SSH2: variants seen among roughly 807,000 people sequenced by gnomAD.
SSH2 encodes slingshot protein phosphatase 2, also known as protein phosphatase Slingshot homolog 2.
Under a neutral mutation model 135.2 loss-of-function variants are expected in SSH2, and 37 were observed. The observed-to-expected ratio is 0.27, with a 90% CI of 0.21 to 0.36. The LOEUF (loss-of-function observed/expected upper bound fraction) is 0.36, where lower values mean the gene tolerates loss of function less well. Ranked by LOEUF, SSH2 falls within the 10% of genes least tolerant of loss-of-function variation. The pLI is 1.00. For synonymous variants in SSH2, 628 were observed against 646.2 expected (o/e 0.97, Z 0.43); for missense variants, 1,408 against 1,765.3 (o/e 0.80, Z 3.63).
chr17:29,832,791 C>A (rs147918840), intron 2 of SSH2, among the ~76,000 whole-genome samples: 1 of 152,152 alleles, frequency 6.6e-6, no homozygotes, highest in Non-Finnish European at 1.5e-5. Flanking sequence ...CTCAGCCTCC[C>A]GAGCAGCTGG....
intron 2 of SSH2, among the ~76,000 whole-genome samples, chr17:29,836,877 C>T (rs1422011637): frequency 6.6e-6 from 1 of 152,170 alleles, no homozygotes; most frequent in Non-Finnish European, 1.5e-5. Flanking sequence ...CCGGGGTCAT[C>T]CATTGCTCTC....
Position 29,631,169 on chromosome 17 carries a change from T to TG in SSH2, c.4024dup (p.His1342ProfsTer39). ...AAAAGACTTGGTGGGCTCTGGGTTGTGGGGGGCACCTGGGTTTTCTAGGGA... is the reference window on the plus strand; with the variant it reads ...AAAAGACTTGGTGGGCTCTGGGTTGTGGGGGGGCACCTGGGTTTTCTAGGGA... On this transcript the variant is annotated frameshift_variant, in exon 16 of 16. Transcript: ENST00000540801. LOFTEE classifies it high-confidence loss of function. The TG allele has an allele frequency of 6.2e-7, 1 of 1,614,152 alleles. No homozygotes were observed. The highest frequency in any genetic ancestry group is 8.5e-7 in the Non-Finnish European group (1 of 1,180,026).
intron 3 of SSH2, among the ~76,000 whole-genome samples, chr17:29,706,860 T>A (rs941004712): frequency 6.6e-6 from 1 of 152,142 alleles, no homozygotes; most frequent in African/African-American, 2.4e-5. Flanking sequence ...AACACTATTT[T>A]AAGAACTTCC....
intron 5 of SSH2, among the ~76,000 whole-genome samples, chr17:29,686,882 G>C (rs2038246155): frequency 6.6e-6 from 1 of 150,972 alleles, no homozygotes; most frequent in Non-Finnish European, 1.5e-5. Context: ...TGGCCAGATG[G>C]CCAGGCTGGT....
chr17:29,775,254 C>T (rs1175676226), intron 3 of SSH2, among the ~76,000 whole-genome samples: 2 of 149,524 alleles, frequency 1.3e-5, no homozygotes, highest in Non-Finnish European at 3.0e-5. Flanking sequence ...AGAAGGGAGA[C>T]AAACTGGAGT....
chr17:29,765,888 T>G (rs2041431594), intron 3 of SSH2, among the ~76,000 whole-genome samples: 1 of 151,840 alleles, frequency 6.6e-6, no homozygotes, highest in Middle Eastern at 3.2e-3. Context: ...GGCGTGCTGG[T>G]GGGCGCCTGT....
chr17:29,660,770 T>G (rs2036998852), intron 11 of SSH2, among the ~76,000 whole-genome samples: 1 of 151,878 alleles, frequency 6.6e-6, no homozygotes. Flanking sequence ...AAATACTCAC[T>G]TTCTGGATGG....
chr17:29,792,419 G>T (rs2042085921), intron 3 of SSH2, among the ~76,000 whole-genome samples: 1 of 151,944 alleles, frequency 6.6e-6, no homozygotes, highest in Admixed American at 6.6e-5. Flanking sequence ...CGATGCCTCT[G>T]GTACACATTC....
At chr17:29,793,146 T>A (rs1217525013) in intron 3 of SSH2, among the ~76,000 whole-genome samples, 2 of 152,064 alleles carry the variant, frequency 1.3e-5, no homozygotes, top group African/African-American at 2.4e-5. Flanking sequence ...GGGAGGGAGT[T>A]ACTTTTAAAA....
chr17:29,632,109 G>A lies in SSH2; in HGVS notation c.3085C>T (p.Pro1029Ser). 1 of 1,614,114 alleles carries A rather than the reference G, an allele frequency of 6.2e-7. No homozygotes were observed. Among genetic ancestry groups the A allele is most frequent in the African/African-American group, 1.3e-5 (1 of 75,028 alleles). The stretch of plus-strand genomic sequence containing the variant: ...TCTACCCTCTTGGGAAGGGGAAGAG[G>A]GACTGCTTGTGTTTCAGACTCCTGG... Reference protein sequence around the residue: ...PYQESETQAVPLPLPKRVEII... With the variant: ...PYQESETQAVSLPLPKRVEII... The change falls in exon 16 of 16, where the codon CCT (proline) becomes TCT (serine). Residue 1029 changes from proline (P) to serine (S), a missense_variant. Coordinates refer to ENST00000540801, the MANE Select transcript of SSH2 (RefSeq NM_001282129.2).
At chr17:29,815,330 G>T (rs2042538371) in intron 2 of SSH2, among the ~76,000 whole-genome samples, 1 of 152,000 alleles carries the variant, frequency 6.6e-6, no homozygotes, top group African/African-American at 2.4e-5. Context: ...CACCATGTTG[G>T]CCAGGATGGT....
intron 3 of SSH2, among the ~76,000 whole-genome samples, chr17:29,704,247 C>T (rs2039108377): frequency 6.6e-6 from 1 of 152,130 alleles, no homozygotes; most frequent in South Asian, 2.1e-4. Flanking sequence ...AAAATATACA[C>T]AACAGTAAAA....
chr17:29,642,763 G>T (rs554752207), intron 14 of SSH2, among the ~76,000 whole-genome samples: 20 of 152,284 alleles, frequency 1.3e-4, no homozygotes, highest in African/African-American at 4.6e-4. Context: ...TTTCAGAGGG[G>T]CTTGGCCCAT....
intron 1 of SSH2, among the ~76,000 whole-genome samples, chr17:29,922,999 C>A (rs774398374): frequency 2.0e-5 from 3 of 152,208 alleles, no homozygotes; most frequent in Non-Finnish European, 4.4e-5. Flanking sequence ...CAACCTCTGC[C>A]TCCTGGGTTC....
chr17:29,893,276 T>C (rs952468961), intron 1 of SSH2, among the ~76,000 whole-genome samples: 1 of 150,668 alleles, frequency 6.6e-6, no homozygotes, highest in Non-Finnish European at 1.5e-5. Flanking sequence ...GGAATGTCAA[T>C]GGAATTTAGG....
At chr17:29,864,303 CTAAATAAATAAATAAA>C (rs201550583) in intron 1 of SSH2, 3 of 142,478 alleles carry the variant, frequency 2.1e-5, no homozygotes, top group African/African-American at 7.7e-5. Flanking sequence ...AAAACTCCAT[CTAAATAAATAAATAAA>C]TAAATAAATA....
chr17:29,810,802 G>C (rs1260157824), intron 2 of SSH2, among the ~76,000 whole-genome samples: 2 of 152,104 alleles, frequency 1.3e-5, no homozygotes, highest in Non-Finnish European at 1.5e-5. Context: ...TCTTCCAAAT[G>C]ACTTTGTTAG....
chr17:29,829,468 G>A (rs914459104), intron 2 of SSH2, among the ~76,000 whole-genome samples: 1 of 152,000 alleles, frequency 6.6e-6, no homozygotes, highest in African/African-American at 2.4e-5. Flanking sequence ...GATGGCTTGT[G>A]TGTGTGTGTG....
chr17:29,770,270 G>A lies in SSH2; in HGVS notation c.188+23624C>T, dbSNP rs557734204. ...ATTACAGGCTCGAGCCACCACCCCCGGCTAATTTTTGTATTTTTGGTAGAG... is the reference window on the plus strand; with the variant it reads ...ATTACAGGCTCGAGCCACCACCCCCAGCTAATTTTTGTATTTTTGGTAGAG... On this transcript the variant is annotated intron_variant, in intron 3 of 15. Coordinates refer to ENST00000540801, the MANE Select transcript of SSH2 (RefSeq NM_001282129.2). Among the ~76,000 whole-genome samples, 18 of 150,600 alleles carry A rather than the reference G, an allele frequency of 1.2e-4. No individual in the cohort carries two copies. The East Asian group carries it at 3.5e-3, about 30-fold the overall frequency.
Sources: gnomAD v4.1 joint callset for allele counts (sites outside exome capture counted in the v4.1 genomes callset) on GRCh38, gnomAD v4.1.1 for gene constraint, MANE v1.5 for transcripts, NCBI Gene and HGNC (gene_info 2026-07-23, HGNC 2026-07-21) for gene names.